The following UGGT2 variants were observed in gnomAD, a reference collection of about 807,000 sequenced individuals.
UGGT2 encodes the protein UDP-glucose:glycoprotein glucosyltransferase 2.
In UGGT2, 180 loss-of-function variants were observed where a neutral mutation model predicts 192.1. The ratio of observed to expected loss-of-function variants is 0.94; its 90% CI spans 0.83 to 1.06. The LOEUF is 1.06. Ranked by LOEUF, UGGT2 falls within the 50% of genes least tolerant of loss-of-function variation. UGGT2 has a pLI of 0.00. For synonymous variants in UGGT2, 580 were observed against 591.0 expected (o/e 0.98, Z 0.27); for missense variants, 1,849 against 1,795.7 (o/e 1.03, Z -0.54).
intron 30 of UGGT2, among the ~76,000 whole-genome samples, chr13:95,864,846 A>G (rs2140101930): frequency 6.6e-6 from 1 of 152,326 alleles, no homozygotes; most frequent in Middle Eastern, 3.4e-3. Context: ...ACTGGCAAAC[A>G]TCTCCAAGAA....
At chr13:95,813,003 C>T (rs1884654221) in intron 38 of UGGT2, among the ~76,000 whole-genome samples, 1 of 152,184 alleles carries the variant, frequency 6.6e-6, no homozygotes, top group Admixed American at 6.5e-5. Context: ...GATGTTGGCA[C>T]CATGCTTGTA....
chr13:95,841,149 T>A (rs1223718985), intron 36 of UGGT2, among the ~76,000 whole-genome samples: 1 of 152,184 alleles, frequency 6.6e-6, no homozygotes, highest in East Asian at 1.9e-4. Flanking sequence ...CAAACCACCA[T>A]GGCACATGTA....
intron 5 of UGGT2, among the ~76,000 whole-genome samples, chr13:96,009,780 C>T (rs2052097761): frequency 1.3e-5 from 2 of 152,136 alleles, no homozygotes; most frequent in Non-Finnish European, 2.9e-5. Context: ...TGCACTCCAG[C>T]CTGGCGATAG....
chr13:95,997,358 A>G (rs1199863136), intron 6 of UGGT2, among the ~76,000 whole-genome samples: 1 of 152,182 alleles, frequency 6.6e-6, no homozygotes, highest in Non-Finnish European at 1.5e-5. Flanking sequence ...TGATATATTT[A>G]TTAGTCTGGC....
Position 95,996,072 on chromosome 13 carries a change from C to T in UGGT2, c.821G>A (p.Gly274Glu). Residue 274 changes from glycine (G) to glutamate (E), a missense_variant, in exon 7 of 39, where the codon GGG becomes GAG. Transcript: ENST00000376747. The stretch of plus-strand genomic sequence containing the variant: ...TTCCATTCAGACTTACTTTAGTTTC[C>T]CAAAGAGAAATCCTTGAACTTCATT... Reference protein sequence around the residue: ...ETNEVQGFLFGKLKEIYSDLR... With the variant: ...ETNEVQGFLFEKLKEIYSDLR... The T allele has an allele frequency of 6.2e-7, 1 of 1,613,166 alleles. No homozygotes were observed.
Position 95,915,380 on chromosome 13 carries a change from C to T in UGGT2, c.2295+10300G>A, listed in dbSNP as rs144588485. Among the ~76,000 whole-genome samples, 254 of 152,282 alleles carry T rather than the reference C, an allele frequency of 1.7e-3. 1 individual carries two copies. Among genetic ancestry groups the T allele is most frequent in the African/African-American group, 5.9e-3 (245 of 41,554 alleles). Reference sequence around the variant, plus strand: ...GACATGTAACTCAATTTACATATGTCTATCACTTATTGTCTGTCTCCCTAT... The same window carrying T: ...GACATGTAACTCAATTTACATATGTTTATCACTTATTGTCTGTCTCCCTAT... On this transcript the variant is annotated intron_variant, in intron 20 of 38. Coordinates refer to ENST00000376747, the MANE Select transcript of UGGT2 (RefSeq NM_020121.4).
intron 37 of UGGT2, among the ~76,000 whole-genome samples, chr13:95,833,899 AAG>A (rs1220611801): frequency 3.3e-5 from 5 of 152,200 alleles, no homozygotes; most frequent in African/African-American, 2.4e-5. Flanking sequence ...AAGCAACTTG[AAG>A]CTCACTTCTG....
At chr13:95,878,109 C>T (rs2047393415) in intron 27 of UGGT2, among the ~76,000 whole-genome samples, 1 of 151,652 alleles carries the variant, frequency 6.6e-6, no homozygotes, top group Non-Finnish European at 1.5e-5. Context: ...TATAACCAAG[C>T]AGGAAAGACG....
chr13:95,991,735 C>T (rs2051464322), intron 7 of UGGT2, among the ~76,000 whole-genome samples: 1 of 152,072 alleles, frequency 6.6e-6, no homozygotes, highest in Admixed American at 6.6e-5. Flanking sequence ...AGCTACTATA[C>T]CAATTTTCAT....
At chr13:95,999,764 G>C (rs920712535) in intron 5 of UGGT2, among the ~76,000 whole-genome samples, 5 of 151,844 alleles carry the variant, frequency 3.3e-5, no homozygotes, top group Non-Finnish European at 5.9e-5. Context: ...GAAAGTAGTG[G>C]CAAAGGAGAC....
intron 22 of UGGT2, among the ~76,000 whole-genome samples, chr13:95,895,622 G>A (rs1037762773): frequency 7.3e-5 from 11 of 151,648 alleles, no homozygotes; most frequent in African/African-American, 2.4e-4. Context: ...ATCATAAATC[G>A]TGATTTGAAA....
intron 36 of UGGT2, among the ~76,000 whole-genome samples, chr13:95,846,439 A>C (rs2139991259): frequency 7.0e-6 from 1 of 142,772 alleles, no homozygotes; most frequent in South Asian, 2.6e-4. Flanking sequence ...GGAGGGGGGG[A>C]GGAGGGAGAG....
At chr13:96,042,590 A>G (rs2053196160) in intron 1 of UGGT2, among the ~76,000 whole-genome samples, 2 of 152,128 alleles carry the variant, frequency 1.3e-5, no homozygotes, top group Non-Finnish European at 2.9e-5. Context: ...AGAGAAAGGC[A>G]AAGCCCCATT....
At chr13:95,951,930 C>T (rs1405362047) in intron 12 of UGGT2, among the ~76,000 whole-genome samples, 1 of 151,904 alleles carries the variant, frequency 6.6e-6, no homozygotes. Flanking sequence ...TGGTGATACA[C>T]GCCTGTAGTG....
At chr13:95,916,621 G>A (rs537685430) in intron 20 of UGGT2, among the ~76,000 whole-genome samples, 11 of 152,296 alleles carry the variant, frequency 7.2e-5, no homozygotes, top group African/African-American at 2.6e-4. Context: ...AAAGGAGCAT[G>A]TTCTAACCCA....
chr13:95,991,438 T>C (rs187214013), intron 7 of UGGT2: 346 of 454,370 alleles, frequency 7.6e-4, no homozygotes, highest in Non-Finnish European at 1.2e-3. Context: ...TGGTGTCTCA[T>C]TGAAAACACG....
rs372924625 is a variant in UGGT2 at position 95,825,907 on chromosome 13, G to A, written c.4528+7020C>T. On this transcript the variant is annotated intron_variant, in intron 38 of 38. Coordinates refer to ENST00000376747, the MANE Select transcript of UGGT2 (RefSeq NM_020121.4). ...TCTTCCCCTTCTCCTAGGAGTAGGA[G>A]TCTCTGAGAACCAGACTACAGTGAT... Among the ~76,000 whole-genome samples, 6 of 152,248 alleles carry A rather than the reference G, an allele frequency of 3.9e-5. No homozygotes were observed. The East Asian group carries it at 7.7e-4, about 20-fold the overall frequency.
Position 95,924,729 on chromosome 13 carries a change from C to T in UGGT2, c.2295+951G>A, listed in dbSNP as rs372291696. Among the ~76,000 whole-genome samples the T allele has an allele frequency of 8.5e-5, 13 of 152,130 alleles. No individual in the cohort carries two copies. In the East Asian group the frequency reaches 1.9e-3, roughly 23 times the overall value. ...TTGTTCTGGAAAAAGGAAGCTGCCA[C>T]GTTGTGAGGGCACTTAAGTAACACC... On this transcript the variant is annotated intron_variant, in intron 20 of 38. Coordinates refer to ENST00000376747, the MANE Select transcript of UGGT2 (RefSeq NM_020121.4).
chr13:96,014,676 A>C (rs1424890790), intron 4 of UGGT2, among the ~76,000 whole-genome samples: 1 of 152,212 alleles, frequency 6.6e-6, no homozygotes, highest in Non-Finnish European at 1.5e-5. Flanking sequence ...GCAAAACAAG[A>C]GACACTGAAT....
Sources: gnomAD v4.1 joint callset for allele counts (sites outside exome capture counted in the v4.1 genomes callset) on GRCh38, gnomAD v4.1.1 for gene constraint, MANE v1.5 for transcripts, NCBI Gene and HGNC (gene_info 2026-07-23, HGNC 2026-07-21) for gene names.